TCEA2: variants seen among roughly 807,000 people sequenced by gnomAD.
TCEA2 encodes the protein transcription elongation factor A protein 2.
Under a neutral mutation model 40.8 loss-of-function variants are expected in TCEA2, and 21 were observed. The observed-to-expected ratio is 0.51, with a 90% CI of 0.36 to 0.74. The LOEUF is 0.74. Among genes scored for constraint, TCEA2 ranks in the 30% least tolerant of loss-of-function variants. TCEA2 has a pLI of 0.00. For synonymous variants in TCEA2, 165 were observed against 162.7 expected (o/e 1.01, Z -0.11); for missense variants, 326 against 426.5 (o/e 0.76, Z 2.08).
intron 1 of TCEA2, 86 bp from the exon 2 acceptor site, chr20:64,066,390 T>G: frequency 6.6e-7 from 1 of 1,510,510 alleles, no homozygotes; most frequent in South Asian, 1.2e-5. Flanking sequence ...TGTCACTGCC[T>G]TGTGTTCTCC....
intron 3 of TCEA2, 141 bp from the exon 4 acceptor site, chr20:64,067,906 C>A: frequency 1.6e-6 from 1 of 623,152 alleles, no homozygotes; most frequent in Admixed American, 3.4e-5. Flanking sequence ...CCCTGGCTCC[C>A]CTGGCTGGGT....
At chr20:64,071,475 G>A (rs546498136) in intron 8 of TCEA2, among the ~76,000 whole-genome samples, 122 of 152,308 alleles carry the variant, frequency 8.0e-4, no homozygotes, top group Non-Finnish European at 1.4e-3. Flanking sequence ...TCGGTGCAGA[G>A]CCTGCCTCTC....
At position 64,069,751 on chromosome 20, in the gene TCEA2, G is replaced by A; in HGVS notation, c.461-14G>A. ...AAACCAGTGGGGGAAGCTAGTCAGG[G>A]CTCCCTCTTGCAGATGACCACGTGG... On this transcript the variant is annotated splice_polypyrimidine_tract_variant and intron_variant, in intron 5 of 9. Transcript: ENST00000343484. 3.7e-6 allele frequency: 6 copies of A among 1,607,344 alleles called. No homozygotes were observed. Among genetic ancestry groups the A allele is most frequent in the Non-Finnish European group, 5.1e-6 (6 of 1,174,826 alleles).
At chr20:64,056,085 C>T (rs577341210), upstream of TCEA2, among the ~76,000 whole-genome samples, 52 of 152,184 alleles carry the variant, frequency 3.4e-4, no homozygotes, top group South Asian at 8.1e-3. Flanking sequence ...TGGAGCAGGC[C>T]GCCAGGGCCG....
chr20:64,063,193 C>G (rs887012919), upstream of TCEA2: 2 of 885,864 alleles, frequency 2.3e-6, no homozygotes, highest in African/African-American at 1.8e-5. Flanking sequence ...GGGGGTCTGT[C>G]GTCCGCGGCG....
chr20:64,062,588 C>T, upstream of TCEA2: 1 of 152,246 alleles, frequency 6.6e-6, no homozygotes, highest in South Asian at 2.1e-4. Flanking sequence ...GGGCCTTGCC[C>T]ACGCAGCCTC....
upstream of TCEA2, among the ~76,000 whole-genome samples, chr20:64,061,949 G>A (rs1055130529): frequency 9.2e-5 from 14 of 152,006 alleles, no homozygotes; most frequent in Middle Eastern, 3.4e-3. Context: ...GGCTGGTCTC[G>A]AACTCCTGAC....
intron 1 of TCEA2, 198 bp from the exon 2 acceptor site, chr20:64,066,278 A>G (rs1344647748): frequency 1.7e-6 from 1 of 583,044 alleles, no homozygotes; most frequent in South Asian, 2.1e-5. Flanking sequence ...ACTGAGCAGT[A>G]AGGGTTCCCT....
chr20:64,056,085 C>CGCCAGG (rs1335891116), upstream of TCEA2, among the ~76,000 whole-genome samples: 3 of 152,066 alleles, frequency 2.0e-5, no homozygotes, highest in Admixed American at 6.5e-5. Flanking sequence ...TGGAGCAGGC[C>CGCCAGG]GCCAGGGCCG....
Position 64,070,306 on chromosome 20 carries a change from T to C in TCEA2, c.564T>C (p.Arg188=), listed in dbSNP as rs373282354. ...ACACAGACATGAAGTATAAGAACCG[T>C]GTACGGAGTCGTATCTCCAACCTGA... The part of the protein sequence containing the change: ...VGNTDMKYKN[R]VRSRISNLKD... Residue 188 remains arginine (R), a synonymous_variant, in exon 7 of 10, where the codon CGT becomes CGC. Transcript: ENST00000343484. 1.5e-5 allele frequency: 24 copies of C among 1,614,194 alleles called. No homozygotes were observed. Among genetic ancestry groups the C allele is most frequent in the Admixed American group, 5.0e-5 (3 of 60,026 alleles).
chr20:64,066,385 C>T (rs1248616333), intron 1 of TCEA2, 91 bp from the exon 2 acceptor site: 59 of 1,485,450 alleles, frequency 4.0e-5, no homozygotes, highest in South Asian at 5.9e-5. Flanking sequence ...CAAATTGTCA[C>T]TGCCTTGTGT....
At position 64,070,601 on chromosome 20, in the gene TCEA2, G is replaced by C. The variant is rs764320825; in HGVS notation, c.785G>C (p.Gly262Ala). The change falls in exon 8 of 10, where the codon GGC becomes GCC. Residue 262 changes from glycine (G) to alanine (A), a missense_variant. Coordinates refer to ENST00000343484, the MANE Select transcript of TCEA2 (RefSeq NM_003195.6). ...ACGCAGACAGACCTGTTCACCTGCG[G>C]CAAGTGCAGGAAAAAGAACTGCACC... ...GGTQTDLFTC[G>A]KCRKKNCTYT... 1.9e-6 allele frequency: 3 copies of C among 1,611,256 alleles called. No individual in the cohort carries two copies. In the African/African-American group the frequency reaches 4.0e-5, roughly 21 times the overall value.
At chr20:64,062,467 AG>A (rs1319505964), upstream of TCEA2, 3 of 152,298 alleles carry the variant, frequency 2.0e-5, no homozygotes, top group Admixed American at 6.5e-5. Flanking sequence ...TCTTGACGGG[AG>A]CCCTGTGAGG....
intron 2 of TCEA2, 141 bp downstream of exon 2, chr20:64,066,679 T>C: frequency 1.0e-6 from 1 of 958,172 alleles, no homozygotes; most frequent in Non-Finnish European, 1.6e-6. Flanking sequence ...GAGGAGAGGG[T>C]CTCTGCCTTT....
chr20:64,059,654 G>C (rs1157926982), upstream of TCEA2, among the ~76,000 whole-genome samples: 1 of 152,168 alleles, frequency 6.6e-6, no homozygotes, highest in African/African-American at 2.4e-5. Context: ...AGCCCCTGGT[G>C]GGGGCGGGGA....
At chr20:64,066,587 AG>A in intron 2 of TCEA2, 49 bp downstream of exon 2, 2 of 1,594,942 alleles carry the variant, frequency 1.3e-6, no homozygotes, top group Non-Finnish European at 1.7e-6. Context: ...GGTGCAGCCC[AG>A]GGGATGGCAG....
chr20:64,071,191 T>C (rs1035996143), intron 8 of TCEA2, among the ~76,000 whole-genome samples: 4 of 151,928 alleles, frequency 2.6e-5, no homozygotes, highest in African/African-American at 7.3e-5. Flanking sequence ...CTACTAAAAA[T>C]ACAAAAATTA....
chr20:64,071,071 T>G (rs2059817506), intron 8 of TCEA2, among the ~76,000 whole-genome samples: 1 of 152,040 alleles, frequency 6.6e-6, no homozygotes, highest in African/African-American at 2.4e-5. Flanking sequence ...GGAGTGCGGC[T>G]GGGTGCAGTG....
rs1400673545 is a variant in TCEA2 at position 64,066,494 on chromosome 20, C to T, written c.91C>T (p.Leu31=). ...KKSAEGAMDL[L]RELKAMPITL... ...CTTCCAGGAGGGAGCCATGGATTTG[C>T]TGCGGGAGCTGAAGGCCATGCCTAT... Residue 31 remains leucine, a synonymous_variant, in exon 2 of 10, where the codon CTG becomes TTG. Coordinates refer to ENST00000343484, the MANE Select transcript of TCEA2 (RefSeq NM_003195.6). 14 of 1,613,766 alleles carry T rather than the reference C, an allele frequency of 8.7e-6. No homozygotes were observed. The highest frequency in any genetic ancestry group is 1.7e-5 in the Admixed American group (1 of 59,996).
Sources: allele counts gnomAD v4.1 joint callset (sites outside exome capture counted in the v4.1 genomes callset), GRCh38; gene constraint gnomAD v4.1.1; transcripts MANE v1.5; gene names NCBI Gene and HGNC (gene_info 2026-07-23, HGNC 2026-07-21).